ELMO1: variants seen among roughly 807,000 people sequenced by gnomAD.
ELMO1 encodes engulfment and cell motility protein 1.
ELMO1 carries 26 observed loss-of-function variants against 98.9 expected under a neutral mutation model. The observed-to-expected ratio is 0.26, with a 90% CI of 0.19 to 0.36. The LOEUF (loss-of-function observed/expected upper bound fraction) is 0.36. ELMO1 is among the 10% of genes least tolerant of loss of function. ELMO1 has a pLI of 1.00. For synonymous variants in ELMO1, 346 were observed against 346.0 expected, an observed-to-expected ratio of 1.00 and a Z score of 0.00; for missense variants, 627 against 935.2, an observed-to-expected ratio of 0.67 and a Z score of 4.30.
intron 13 of ELMO1, among the ~76,000 whole-genome samples, chr7:37,192,497 CAA>C (rs535794727): frequency 4.8e-5 from 5 of 104,408 alleles, no homozygotes; most frequent in Admixed American, 1.1e-4. Context: ...GACTCCATCT[CAA>C]AAAAAAAAAA....
intron 15 of ELMO1, among the ~76,000 whole-genome samples, chr7:37,054,034 T>A (rs550487240): frequency 2.0e-5 from 3 of 152,296 alleles, no homozygotes; most frequent in African/African-American, 7.2e-5. Flanking sequence ...TTCAAATCTT[T>A]AAAAAATACG....
rs180788672 is a variant in ELMO1 at position 37,303,973 on chromosome 7, C to G, written c.192+10877G>C. ...AAAACCCACCGACATCTGAGTAATG[C>G]TGGTGGCGGTCGCTGCCCTGCTCTT... is the stretch of plus-strand genomic sequence containing the variant. On this transcript the variant is annotated intron_variant, in intron 4 of 21. Transcript: ENST00000310758. 1.2e-4 allele frequency among the ~76,000 whole-genome samples: 18 copies of G among 152,284 alleles called. No homozygotes were observed. In the East Asian group the frequency reaches 3.3e-3, roughly 28 times the overall value.
At chr7:37,191,229 A>C (rs1791556828) in intron 13 of ELMO1, among the ~76,000 whole-genome samples, 1 of 151,706 alleles carries the variant, frequency 6.6e-6, no homozygotes, top group African/African-American at 2.4e-5. Flanking sequence ...CTGGAAAGAT[A>C]TACATCAAAA....
intron 1 of ELMO1, among the ~76,000 whole-genome samples, chr7:37,419,211 T>C (rs1804364663): frequency 6.6e-6 from 1 of 152,180 alleles, no homozygotes; most frequent in Non-Finnish European, 1.5e-5. Context: ...CCCAAAATAA[T>C]ACTCTTAAAA....
At chr7:37,252,850 C>G (rs1054639011) in intron 6 of ELMO1, among the ~76,000 whole-genome samples, 1 of 152,106 alleles carries the variant, frequency 6.6e-6, no homozygotes, top group African/African-American at 2.4e-5. Context: ...GGGTTAATAT[C>G]CAAAATCTAC....
At chr7:37,084,916 C>A (rs920481286) in intron 15 of ELMO1, among the ~76,000 whole-genome samples, 4 of 152,074 alleles carry the variant, frequency 2.6e-5, no homozygotes, top group African/African-American at 9.7e-5. Flanking sequence ...ACCAGCATAC[C>A]TGGCTAATTT....
intron 1 of ELMO1, among the ~76,000 whole-genome samples, chr7:37,386,510 A>G (rs1802808650): frequency 6.6e-6 from 1 of 152,100 alleles, no homozygotes; most frequent in Non-Finnish European, 1.5e-5. Context: ...TAAGTGTTAA[A>G]TCAGGACGCC....
chr7:37,140,891 G>A (rs1787591601), intron 13 of ELMO1, among the ~76,000 whole-genome samples: 1 of 152,194 alleles, frequency 6.6e-6, no homozygotes, highest in Non-Finnish European at 1.5e-5. Flanking sequence ...AATAGATGCT[G>A]GCATAGACGC....
chr7:36,974,557 CT>C (rs1790331187), intron 16 of ELMO1, among the ~76,000 whole-genome samples: 1 of 152,102 alleles, frequency 6.6e-6, no homozygotes. Context: ...GGTGGAGGAC[CT>C]TTGTATCTAG....
intron 16 of ELMO1, among the ~76,000 whole-genome samples, chr7:36,974,386 C>T (rs963872850): frequency 4.6e-5 from 7 of 152,086 alleles, no homozygotes; most frequent in Non-Finnish European, 8.8e-5. Context: ...CACCAATCGG[C>T]ACTCTGTATC....
At chr7:37,258,258 C>A (rs559965459) in intron 6 of ELMO1, among the ~76,000 whole-genome samples, 1 of 149,598 alleles carries the variant, frequency 6.7e-6, no homozygotes, top group African/African-American at 2.5e-5. Context: ...CAGAGTGAGA[C>A]TCCATCTACC....
chr7:37,274,118 A>G (rs1796707897), intron 4 of ELMO1, among the ~76,000 whole-genome samples: 1 of 152,174 alleles, frequency 6.6e-6, no homozygotes, highest in Non-Finnish European at 1.5e-5. Context: ...GAAGCATGCA[A>G]ACATGGTACT....
rs903204699 is a variant in ELMO1, at chr7:36,870,790, C to G, written c.1823-315G>C. On this transcript the variant is annotated intron_variant, in intron 19 of 21. Transcript: ENST00000310758. The surrounding 1 kb of genome is among the most constrained non-coding windows in gnomAD (Gnocchi z 4.4). ...TTTGAAGTCATGGCATTAGAAGCAG[C>G]AGTAGAAATAACAGTGATTGTAATA... Among the ~76,000 whole-genome samples the G allele has an allele frequency of 1.3e-5, 2 of 152,114 alleles. No homozygotes were observed. The highest frequency in any genetic ancestry group is 4.8e-5 in the African/African-American group (2 of 41,410).
intron 6 of ELMO1, 83 bp downstream of exon 6, chr7:37,259,098 T>G: frequency 7.0e-7 from 1 of 1,436,950 alleles, no homozygotes; most frequent in Non-Finnish European, 9.3e-7. Context: ...TAAAACAGAG[T>G]TTGCAAGTGT....
chr7:37,188,479 G>A (rs1247817239), intron 13 of ELMO1, among the ~76,000 whole-genome samples: 2 of 94,444 alleles, frequency 2.1e-5, no homozygotes, highest in Non-Finnish European at 3.9e-5. Context: ...CAGGCCACTG[G>A]AGAAAGGTAA....
chr7:37,178,023 G>A (rs1011584797), intron 13 of ELMO1, among the ~76,000 whole-genome samples: 1 of 151,916 alleles, frequency 6.6e-6, no homozygotes, highest in Non-Finnish European at 1.5e-5. Flanking sequence ...CAACTTGCCT[G>A]GGCCAAGGAA....
chr7:36,914,516 CT>C (rs71734817), intron 16 of ELMO1, among the ~76,000 whole-genome samples: 22,551 of 129,828 alleles, frequency 0.17, 1,848 homozygotes, highest in African/African-American at 0.29. Flanking sequence ...AATGTACATT[CT>C]TTTTTTTTTT....
chr7:36,932,715 C>T (rs1416004408), intron 16 of ELMO1, among the ~76,000 whole-genome samples: 1 of 152,176 alleles, frequency 6.6e-6, no homozygotes, highest in Non-Finnish European at 1.5e-5. Flanking sequence ...CTCTCTGTGC[C>T]TCTAATATCC....
intron 1 of ELMO1, among the ~76,000 whole-genome samples, chr7:37,418,977 G>A (rs551272452): frequency 1.3e-5 from 2 of 152,044 alleles, no homozygotes; most frequent in Non-Finnish European, 2.9e-5. Flanking sequence ...CAGCGTGATT[G>A]AGATCTCTCC....
Sources: allele counts gnomAD v4.1 joint callset (sites outside exome capture counted in the v4.1 genomes callset), GRCh38; gene constraint gnomAD v4.1.1; non-coding constraint Gnocchi (gnomAD v3.1); transcripts MANE v1.5; gene names NCBI Gene and HGNC (gene_info 2026-07-23, HGNC 2026-07-21).